PI16: variants seen among roughly 807,000 people sequenced by gnomAD.
PI16 encodes PSP94-binding protein.
A neutral mutation model predicts 38.0 loss-of-function variants in PI16; 35 were observed. The ratio of observed to expected loss-of-function variants is 0.92; its 90% CI spans 0.70 to 1.22. PI16 has a LOEUF of 1.22. PI16 is among the 50% of genes most tolerant of loss of function. The pLI, the probability that PI16 is intolerant of heterozygous loss-of-function variation, is 0.00. For missense variants in PI16, 572 were observed against 593.8 expected (o/e 0.96, Z 0.38); for synonymous variants, 275 against 252.9 (o/e 1.09, Z -0.83).
In PI16 at chr6:36,962,096, C is replaced by T. The variant is rs537088020; in HGVS notation, c.592+122C>T. Reference sequence around the variant, plus strand: ...GGCAGGGAAGGAGCCTGGTGGGATGCGACCACCGGGGGCCCCTGGCGGCTC... The same window carrying T: ...GGCAGGGAAGGAGCCTGGTGGGATGTGACCACCGGGGGCCCCTGGCGGCTC... On this transcript the variant is annotated intron_variant, in intron 4 of 6. Coordinates refer to ENST00000373674, the MANE Select transcript of PI16 (RefSeq NM_153370.3). The surrounding 1 kb of genome is among the most constrained non-coding windows in gnomAD (Gnocchi z 4.1). 4.2e-5 allele frequency: 31 copies of T among 731,876 alleles called. No homozygotes were observed. Among genetic ancestry groups the T allele is most frequent in the African/African-American group, 3.6e-4 (21 of 57,906 alleles). The allele number at this position is 731,876 out of a possible 1,614,324, so 45.3% of individuals were successfully genotyped here. A position where few individuals can be genotyped will look rare whatever the true frequency, so the allele number is the denominator to read the frequency against.
upstream of PI16, among the ~76,000 whole-genome samples, chr6:36,952,134 C>T (rs1360260195): frequency 6.6e-5 from 10 of 151,648 alleles, no homozygotes; most frequent in African/African-American, 2.4e-4. Context: ...GCTGGGACTA[C>T]AGGCGCCTGC....
chr6:36,960,325 A>AT (rs758800895), intron 2 of PI16, among the ~76,000 whole-genome samples: 2 of 139,920 alleles, frequency 1.4e-5, no homozygotes, highest in African/African-American at 5.3e-5. Flanking sequence ...TGCAGATAAG[A>AT]TGTGTGTGTG....
Position 36,963,059 on chromosome 6 carries a change from G to A in PI16, c.717G>A (p.Gly239=), listed in dbSNP as rs922575539. The change falls in exon 5 of 7, where the codon GGG becomes GGA. Residue 239 remains glycine (G), a synonymous_variant. Coordinates refer to ENST00000373674, the MANE Select transcript of PI16 (RefSeq NM_153370.3). ...KMGTPSSLAT[G]IPAFLVTEVS... ...GTACTCCTTCTTCCCTAGCAACGGG[G>A]ATTCCGGCTTTCTTGGTAACAGAGG... 2 of 1,614,220 alleles carry A rather than the reference G, an allele frequency of 1.2e-6. No homozygotes were observed. The highest frequency in any genetic ancestry group is 2.2e-5 in the East Asian group (1 of 44,884).
chr6:36,961,338 CAGGCTAT>C (rs1358084679), intron 2 of PI16, 106 bp from the exon 3 acceptor site: 4 of 859,990 alleles, frequency 4.7e-6, no homozygotes, highest in Non-Finnish European at 7.8e-6. Context: ...GTGGATGTCA[CAGGCTAT>C]AGGGTGCCTC....
In PI16 at chr6:36,959,158, A is replaced by T; in HGVS notation, c.185A>T (p.Glu62Val). The T allele has an allele frequency of 6.2e-7, 1 of 1,609,270 alleles. No homozygotes were observed. The highest frequency in any genetic ancestry group is 8.5e-7 in the Non-Finnish European group (1 of 1,178,540). ...SDMLHMRWDE[E>V]LAAFAKAYAR... is the part of the protein sequence containing the mutation. The stretch of plus-strand genomic sequence containing the variant: ...CCTGCCCTGCAGAGATGGGACGAGG[A>T]GCTGGCCGCCTTCGCCAAGGCCTAC... The change falls in exon 2 of 7, where the codon GAG (glutamate) becomes GTG (valine). Residue 62 changes from glutamate to valine, a missense_variant. By Grantham distance (121) the Glu-to-Val change is moderately radical (BLOSUM62 -2). Transcript: ENST00000373674.
At chr6:36,964,059 G>T in intron 6 of PI16, 97 bp downstream of exon 6, 1 of 1,385,886 alleles carries the variant, frequency 7.2e-7, no homozygotes, top group Non-Finnish European at 9.7e-7. Context: ...CTGCTCTGTG[G>T]CCCAGCAGCC....
upstream of PI16, among the ~76,000 whole-genome samples, chr6:36,953,326 A>G (rs1254347357): frequency 2.9e-5 from 4 of 139,064 alleles, no homozygotes; most frequent in East Asian, 6.4e-4. Flanking sequence ...ACAGAGCGAG[A>G]CTCCATCTCA....
At chr6:36,963,794 G>A (rs1421933468) in intron 5 of PI16, 29 bp from the exon 6 acceptor site, 1 of 1,559,530 alleles carries the variant, frequency 6.4e-7, no homozygotes, top group African/African-American at 1.4e-5. Context: ...CTGTCTCTAG[G>A]CTGAGGCAAA....
At chr6:36,959,513 CTT>C in intron 2 of PI16, 147 bp downstream of exon 2, 1 of 773,994 alleles carries the variant, frequency 1.3e-6, no homozygotes, top group South Asian at 1.8e-5. Context: ...CCCTCAGACA[CTT>C]TGCAAATCTT....
Position 36,954,770 on chromosome 6 carries a change from T to A in PI16, c.10T>A (p.Ser4Thr). The A allele has an allele frequency of 6.2e-7, 1 of 1,613,066 alleles. No individual in the cohort carries two copies. ...GAGACGGCTGGCCACCATGCACGGC[T>A]CCTGCAGTTTCCTGATGCTTCTGCT... MHG[S>T]CSFLMLLLPL... Residue 4 changes from serine to threonine, a missense_variant, in exon 1 of 7, where the codon TCC becomes ACC. Transcript: ENST00000373674.
At chr6:36,949,719 T>TG (rs1195493889) in intron 1 of PI16, among the ~76,000 whole-genome samples, 1 of 152,232 alleles carries the variant, frequency 6.6e-6, no homozygotes, top group Non-Finnish European at 1.5e-5. Flanking sequence ...AGCTACCCAT[T>TG]TATTTGCATA....
intron 1 of PI16, among the ~76,000 whole-genome samples, chr6:36,949,341 C>T (rs1763064790): frequency 6.6e-6 from 1 of 151,846 alleles, no homozygotes; most frequent in African/African-American, 2.4e-5. Flanking sequence ...AGGCTGGTTT[C>T]CAATTCCTGA....
chr6:36,953,160 T>C (rs536439150), upstream of PI16, among the ~76,000 whole-genome samples: 2 of 151,990 alleles, frequency 1.3e-5, no homozygotes, highest in South Asian at 2.1e-4. Flanking sequence ...CTACTAAAAA[T>C]ACAAAAATTT....
At position 36,963,481 on chromosome 6, in the gene PI16, C is replaced by G; in HGVS notation, c.1139C>G (p.Pro380Arg). 6.8e-6 allele frequency: 11 copies of G among 1,614,162 alleles called. No homozygotes were observed. Among genetic ancestry groups the G allele is most frequent in the Non-Finnish European group, 8.5e-6 (10 of 1,180,032 alleles). Residue 380 changes from proline to arginine, a missense_variant, in exon 5 of 7, where the codon CCA becomes CGA. By Grantham distance (103) the Pro-to-Arg change is moderately radical. Transcript: ENST00000373674. ...LASVFPAQDK[P>R]GELQATLDHT... ...TCAGTTTTTCCAGCCCAGGACAAGC[C>G]AGGTGAGCTGCAGGCCACACTGGAC... is the stretch of plus-strand genomic sequence containing the variant.
At position 36,963,532 on chromosome 6, in the gene PI16, C is replaced by A. The variant is rs1437810752; in HGVS notation, c.1190C>A (p.Ser397Tyr). The A allele has an allele frequency of 6.2e-7, 1 of 1,614,198 alleles. No homozygotes were observed. Among genetic ancestry groups the A allele is most frequent in the South Asian group, 1.1e-5 (1 of 91,090 alleles). ...LDHTGHTSSK[S>Y]LPNFPNTSAT... ...CACACGGGGCACACCTCCTCCAAGT[C>A]CCTGCCCAATTTCCCCAATACCTCT... The change falls in exon 5 of 7, where the codon TCC becomes TAC. Residue 397 changes from serine (S) to tyrosine (Y), a missense_variant. Ser to Tyr is a moderately radical substitution (Grantham distance 144, BLOSUM62 -2). Coordinates refer to ENST00000373674, the MANE Select transcript of PI16 (RefSeq NM_153370.3).
chr6:36,957,085 C>A (rs1243264341), intron 1 of PI16, among the ~76,000 whole-genome samples: 2 of 152,188 alleles, frequency 1.3e-5, no homozygotes, highest in Non-Finnish European at 1.5e-5. Flanking sequence ...AATGAATAAT[C>A]CAACACATGG....
chr6:36,953,541 T>TGTGTA (rs1369678116), upstream of PI16, among the ~76,000 whole-genome samples: 3 of 152,176 alleles, frequency 2.0e-5, no homozygotes, highest in African/African-American at 7.2e-5. Flanking sequence ...TGTGTATGTG[T>TGTGTA]GTGTAATCCA....
At chr6:36,950,174 A>G (rs377271910), upstream of PI16, among the ~76,000 whole-genome samples, 41 of 152,210 alleles carry the variant, frequency 2.7e-4, no homozygotes, top group African/African-American at 9.4e-4. The surrounding 1 kb of genome is among the most constrained non-coding windows in gnomAD (Gnocchi z 4.2). Context: ...CCTCTACACC[A>G]CTAAACACTA....
chr6:36,949,808 T>C (rs1763070812), upstream of PI16, among the ~76,000 whole-genome samples: 1 of 152,212 alleles, frequency 6.6e-6, no homozygotes, highest in Admixed American at 6.5e-5. Context: ...AATTCTCCTA[T>C]TGTGATGTAT....
Sources: gnomAD v4.1 joint callset for allele counts (sites outside exome capture counted in the v4.1 genomes callset) on GRCh38, gnomAD v4.1.1 for gene constraint, Gnocchi (gnomAD v3.1) non-coding constraint, MANE v1.5 for transcripts, NCBI Gene and HGNC (gene_info 2026-07-23, HGNC 2026-07-21) for gene names.